Variants in PALLD observed in about 807,000 individuals in gnomAD.
PALLD encodes the protein palladin, cytoskeletal associated protein.
In PALLD, 61 loss-of-function variants were observed where a neutral mutation model predicts 123.5. That is an observed-to-expected ratio of 0.49 (90% CI 0.40 to 0.61). The LOEUF is 0.61. Ranked by LOEUF, PALLD falls within the 20% of genes least tolerant of loss-of-function variation. PALLD has a pLI of 0.00. For missense variants in PALLD, 1,273 were observed against 1,377.0 expected, an observed-to-expected ratio of 0.92 and a Z score of 1.20; for synonymous variants, 465 against 496.4, an observed-to-expected ratio of 0.94 and a Z score of 0.84.
At chr4:168,832,751 A>G (rs1363079940) in intron 10 of PALLD, 1 of 152,034 alleles carries the variant, frequency 6.6e-6, no homozygotes, top group East Asian at 2.0e-4. Flanking sequence ...GCGCCATTCA[A>G]AGGAAGTTTG....
intron 2 of PALLD, among the ~76,000 whole-genome samples, chr4:168,591,331 T>C (rs374703397): frequency 3.9e-5 from 6 of 152,198 alleles, no homozygotes; most frequent in Admixed American, 3.9e-4. Context: ...TAGGACTCTA[T>C]AGTCAGGCGA....
At chr4:168,739,018 T>G (rs1284134707) in intron 10 of PALLD, among the ~76,000 whole-genome samples, 2 of 152,220 alleles carry the variant, frequency 1.3e-5, no homozygotes, top group African/African-American at 4.8e-5. Context: ...GAGTGGAACA[T>G]GCAATATTTG....
chr4:168,902,624 G>A (rs1231145906), intron 14 of PALLD, among the ~76,000 whole-genome samples: 1 of 152,068 alleles, frequency 6.6e-6, no homozygotes, highest in East Asian at 1.9e-4. Flanking sequence ...ACTCCAGCCT[G>A]GGCAACGGAG....
At chr4:168,750,270 A>G (rs567859159) in intron 10 of PALLD, among the ~76,000 whole-genome samples, 8 of 152,296 alleles carry the variant, frequency 5.3e-5, no homozygotes, top group South Asian at 2.1e-4. Flanking sequence ...AAGCGAGAAC[A>G]TGTGGTACTT....
intron 15 of PALLD, 22 bp downstream of exon 15, chr4:168,903,928 G>C: frequency 1.2e-6 from 2 of 1,610,178 alleles, no homozygotes; most frequent in Non-Finnish European, 1.7e-6. Flanking sequence ...TATAGGTCTG[G>C]GCTCAGTTCT....
At chr4:168,634,976 C>T (rs1045141138) in intron 2 of PALLD, among the ~76,000 whole-genome samples, 2 of 152,064 alleles carry the variant, frequency 1.3e-5, no homozygotes, top group Admixed American at 1.3e-4. Flanking sequence ...TTAAAGAAAA[C>T]AGGAAAACGT....
At chr4:168,521,882 T>C (rs1440986881) in intron 2 of PALLD, among the ~76,000 whole-genome samples, 2 of 152,116 alleles carry the variant, frequency 1.3e-5, no homozygotes, top group Non-Finnish European at 2.9e-5. Flanking sequence ...ATTTTTTTTA[T>C]ACATTTTTAC....
chr4:168,705,278 G>A (rs7654804), intron 8 of PALLD, among the ~76,000 whole-genome samples: 27,872 of 151,958 alleles, frequency 0.18, 3,268 homozygotes, highest in East Asian at 0.35. Context: ...AAGATTACAG[G>A]AAACTCAAAG....
intron 2 of PALLD, among the ~76,000 whole-genome samples, chr4:168,610,072 T>C (rs1773585335): frequency 6.6e-6 from 1 of 152,200 alleles, no homozygotes; most frequent in African/African-American, 2.4e-5. Flanking sequence ...GTATCTCCAA[T>C]TGGTTCTTCA....
intron 10 of PALLD, among the ~76,000 whole-genome samples, chr4:168,839,885 T>G (rs909174353): frequency 2.6e-5 from 4 of 152,160 alleles, no homozygotes; most frequent in African/African-American, 9.7e-5. Flanking sequence ...TCTCCGTGTT[T>G]CAAGGTTGAC....
intron 10 of PALLD, among the ~76,000 whole-genome samples, chr4:168,789,702 C>CAA (rs58941945): frequency 9.0e-4 from 75 of 83,238 alleles, no homozygotes; most frequent in Middle Eastern, 7.8e-3. Flanking sequence ...GACTCCGTCT[C>CAA]AAAAAAAAAA....
intron 10 of PALLD, among the ~76,000 whole-genome samples, chr4:168,759,707 CTGTGCAGG>C (rs1390295338): frequency 6.6e-6 from 1 of 152,116 alleles, no homozygotes; most frequent in Non-Finnish European, 1.5e-5. Context: ...AATTCTAATC[CTGTGCAGG>C]TCCAGGATTA....
At chr4:168,548,355 A>C (rs1021849305) in intron 2 of PALLD, among the ~76,000 whole-genome samples, 8 of 152,058 alleles carry the variant, frequency 5.3e-5, no homozygotes, top group Non-Finnish European at 1.2e-4. Context: ...GAAAAAAAAA[A>C]AAACAGGGAA....
intron 2 of PALLD, among the ~76,000 whole-genome samples, chr4:168,656,002 T>C (rs1778522073): frequency 6.6e-6 from 1 of 152,208 alleles, no homozygotes; most frequent in South Asian, 2.1e-4. Flanking sequence ...CCTTTGGAGT[T>C]TCATAATTCT....
At chr4:168,787,604 T>C (rs1736928656) in intron 10 of PALLD, among the ~76,000 whole-genome samples, 3 of 152,176 alleles carry the variant, frequency 2.0e-5, no homozygotes, top group Admixed American at 2.0e-4. Flanking sequence ...TACTGAACAG[T>C]AGAGATATAG....
intron 2 of PALLD, among the ~76,000 whole-genome samples, chr4:168,659,137 T>C (rs1216126708): frequency 1.3e-5 from 2 of 152,218 alleles, no homozygotes; most frequent in Admixed American, 6.5e-5. Context: ...ATGTATGAAA[T>C]GCAATACTTA....
intron 3 of PALLD, among the ~76,000 whole-genome samples, chr4:168,679,559 G>C (rs1323534986): frequency 1.3e-5 from 2 of 151,164 alleles, no homozygotes; most frequent in African/African-American, 4.9e-5. Flanking sequence ...GTGGTGGGGT[G>C]TGTGTGTGTG....
chr4:168,660,592 A>G (rs535972005), intron 2 of PALLD, among the ~76,000 whole-genome samples: 1,042 of 92,884 alleles, frequency 0.011, 7 homozygotes, highest in Non-Finnish European at 0.014. Context: ...AACAACAACA[A>G]TACACACACA....
chr4:168,633,951 AAAT>A (rs1004543192), intron 2 of PALLD, among the ~76,000 whole-genome samples: 2 of 152,214 alleles, frequency 1.3e-5, no homozygotes, highest in Admixed American at 6.5e-5. Context: ...TTTCTTAAAA[AAAT>A]AATAATAATA....
Sources: gnomAD v4.1 joint callset for allele counts (sites outside exome capture counted in the v4.1 genomes callset) on GRCh38, gnomAD v4.1.1 for gene constraint, MANE v1.5 for transcripts, NCBI Gene and HGNC (gene_info 2026-07-23, HGNC 2026-07-21) for gene names.